FAM53A: variants seen among roughly 807,000 people sequenced by gnomAD.
FAM53A encodes family with sequence similarity 53 member A, also known as protein FAM53A.
Under a neutral mutation model 26.6 loss-of-function variants are expected in FAM53A, and 28 were observed. The ratio of observed to expected loss-of-function variants is 1.05; its 90% CI spans 0.78 to 1.45. The LOEUF is 1.45. Ranked by LOEUF, FAM53A falls within the 40% of genes most tolerant of loss-of-function variation. FAM53A has a pLI of 0.00. For missense variants in FAM53A, 650 were observed against 575.8 expected (o/e 1.13, Z -1.32); for synonymous variants, 290 against 253.1 (o/e 1.15, Z -1.38).
In FAM53A at chr4:1,640,367, A is replaced by G. The variant is rs773254037; in HGVS notation, c.*926T>C. On this transcript the variant is annotated 3_prime_UTR_variant, in exon 5 of 5. Transcript: ENST00000308132. ...GGGGGGGACACACGGGGCCAGTGGG[A>G]CTCTGACCACCAACGCCCGGGGTTT... The G allele has an allele frequency of 3.6e-5, 9 of 251,394 alleles. No homozygotes were observed. The highest frequency in any genetic ancestry group is 6.3e-5 in the Admixed American group (1 of 15,766). 15.6% of individuals were successfully genotyped at this position (251,394 alleles called of 1,614,324 possible).
intron 1 of FAM53A, among the ~76,000 whole-genome samples, chr4:1,673,895 T>C (rs1358112077): frequency 6.6e-6 from 1 of 152,234 alleles, no homozygotes; most frequent in African/African-American, 2.4e-5. Flanking sequence ...AGCTCCCTGC[T>C]GGGAGCCCAG....
At position 1,641,341 on chromosome 4, in the gene FAM53A, G is replaced by C. The variant is rs750169567; in HGVS notation, c.1149C>G (p.Phe383Leu). ...DGDSVGEEGV[F>L]PRARWELDLE... ...GGTCCAGCTCCCAGCGGGCCCGGGGGAAGACGCCCTCCTCCCCGACACTGT... is the reference window on the plus strand; with the variant it reads ...GGTCCAGCTCCCAGCGGGCCCGGGGCAAGACGCCCTCCTCCCCGACACTGT... The change falls in exon 5 of 5, where the codon TTC becomes TTG. Residue 383 changes from phenylalanine (F) to leucine (L), a missense_variant. Transcript: ENST00000308132. The C allele has an allele frequency of 1.2e-6, 2 of 1,611,406 alleles. No homozygotes were observed. The highest frequency in any genetic ancestry group is 1.7e-5 in the Admixed American group (1 of 59,050).
the FAM53A span, among the ~76,000 whole-genome samples, chr4:1,607,442 G>C: frequency 1.3e-5 from 2 of 151,876 alleles, no homozygotes; most frequent in Non-Finnish European, 2.9e-5. Flanking sequence ...ATGGGACCTC[G>C]TGCCATTCAC....
chr4:1,635,666 C>T (rs529724535), downstream of FAM53A, among the ~76,000 whole-genome samples: 1 of 152,112 alleles, frequency 6.6e-6, no homozygotes, highest in Non-Finnish European at 1.5e-5. Context: ...AAGCACGGAT[C>T]TGCCGCGCCC....
At chr4:1,615,128 G>A (rs541222232), downstream of FAM53A, among the ~76,000 whole-genome samples, 2 of 149,716 alleles carry the variant, frequency 1.3e-5, no homozygotes, top group African/African-American at 4.9e-5. Context: ...GAGGCAGGAT[G>A]CAGCCACGCC....
the FAM53A span, among the ~76,000 whole-genome samples, chr4:1,587,937 T>C: frequency 2.6e-5 from 4 of 152,218 alleles, no homozygotes; most frequent in East Asian, 7.7e-4. Context: ...CCCCCTCCCT[T>C]TGCTCTTTTT....
the FAM53A span, among the ~76,000 whole-genome samples, chr4:1,604,482 C>T: frequency 6.6e-6 from 1 of 152,054 alleles, no homozygotes; most frequent in African/African-American, 2.4e-5. Context: ...TGGGGGACAC[C>T]CAAGGTCAGC....
intron 1 of FAM53A, among the ~76,000 whole-genome samples, chr4:1,680,414 C>G (rs1715354773): frequency 6.6e-6 from 1 of 150,752 alleles, no homozygotes; most frequent in South Asian, 2.1e-4. Context: ...ACTGACAACA[C>G]CCAAGTGCTG....
At chr4:1,575,498 C>T in the FAM53A span, among the ~76,000 whole-genome samples, 1 of 152,122 alleles carries the variant, frequency 6.6e-6, no homozygotes, top group South Asian at 2.1e-4. Context: ...CAGGCAGTGC[C>T]CCTGACAGAG....
chr4:1,646,952 G>A (rs530562897), intron 4 of FAM53A, among the ~76,000 whole-genome samples: 1 of 152,288 alleles, frequency 6.6e-6, no homozygotes, highest in South Asian at 2.1e-4. Flanking sequence ...CACTCTGCTG[G>A]AACCATAACT....
intron 4 of FAM53A, among the ~76,000 whole-genome samples, chr4:1,643,397 C>T (rs1221830674): frequency 6.6e-6 from 1 of 151,646 alleles, no homozygotes; most frequent in South Asian, 2.1e-4. Flanking sequence ...ACCCGGGAGG[C>T]GGAGCTTGCA....
At chr4:1,652,129 C>T (rs1560158066) in intron 4 of FAM53A, among the ~76,000 whole-genome samples, 2 of 115,712 alleles carry the variant, frequency 1.7e-5, no homozygotes, top group African/African-American at 7.4e-5. Context: ...GCCACACACA[C>T]CTCATACACC....
chr4:1,576,983 C>T, the FAM53A span, among the ~76,000 whole-genome samples: 1 of 151,770 alleles, frequency 6.6e-6, no homozygotes, highest in African/African-American at 2.4e-5. Flanking sequence ...CTCCCTCCCA[C>T]ACTGCACACT....
intron 2 of FAM53A, among the ~76,000 whole-genome samples, chr4:1,665,658 TA>T (rs1714168952): frequency 6.6e-6 from 1 of 152,122 alleles, no homozygotes; most frequent in Non-Finnish European, 1.5e-5. Flanking sequence ...GGCTGGCCAC[TA>T]ACAGAGCCGG....
At chr4:1,620,654 C>A (rs559329580) in intron 1 of FAM53A, among the ~76,000 whole-genome samples, 17 of 151,586 alleles carry the variant, frequency 1.1e-4, no homozygotes, top group African/African-American at 3.9e-4. Flanking sequence ...GGTGACACTG[C>A]AAGACTCTGT....
intron 2 of FAM53A, among the ~76,000 whole-genome samples, chr4:1,666,910 ATG>A (rs1024595450): frequency 6.6e-6 from 1 of 152,198 alleles, no homozygotes; most frequent in African/African-American, 2.4e-5. Flanking sequence ...CAGGCAGATC[ATG>A]AGGTCAGGAG....
the FAM53A span, among the ~76,000 whole-genome samples, chr4:1,605,451 G>A: frequency 1.3e-5 from 2 of 152,194 alleles, no homozygotes; most frequent in South Asian, 2.1e-4. The surrounding 1 kb of genome is among the most constrained non-coding windows in gnomAD (Gnocchi z 5.7). Flanking sequence ...CCAGCTTCCA[G>A]GGGCTGGGCG....
chr4:1,665,762 C>T (rs998011599), intron 2 of FAM53A, among the ~76,000 whole-genome samples: 1 of 152,082 alleles, frequency 6.6e-6, no homozygotes, highest in African/African-American at 2.4e-5. Context: ...AGGCCGAGGC[C>T]TACCAAGGAA....
At chr4:1,584,475 A>T in the FAM53A span, among the ~76,000 whole-genome samples, 2 of 152,234 alleles carry the variant, frequency 1.3e-5, no homozygotes, top group African/African-American at 4.8e-5. Flanking sequence ...TTGCATCTTA[A>T]AACAAGTATC....
Sources: gnomAD v4.1 joint callset for allele counts (sites outside exome capture counted in the v4.1 genomes callset) on GRCh38, gnomAD v4.1.1 for gene constraint, Gnocchi (gnomAD v3.1) non-coding constraint, MANE v1.5 for transcripts, NCBI Gene and HGNC (gene_info 2026-07-23, HGNC 2026-07-21) for gene names.